The following SUPT3H variants were observed in gnomAD, a reference collection of about 807,000 sequenced individuals.
SUPT3H encodes the protein transcription initiation protein SPT3 homolog.
In SUPT3H, 44 loss-of-function variants were observed where a neutral mutation model predicts 44.3. That is an observed-to-expected ratio of 0.99 (90% CI 0.78 to 1.28). The LOEUF (loss-of-function observed/expected upper bound fraction) is 1.28. SUPT3H is among the 50% of genes most tolerant of loss of function. The pLI is 0.00. For synonymous variants in SUPT3H, 124 were observed against 125.6 expected (o/e 0.99, Z 0.09); for missense variants, 380 against 387.1 (o/e 0.98, Z 0.15).
intron 2 of SUPT3H, among the ~76,000 whole-genome samples, chr6:45,207,867 A>G (rs1763437504): frequency 6.6e-6 from 1 of 152,172 alleles, no homozygotes; most frequent in Non-Finnish European, 1.5e-5. Context: ...AGATGCAACA[A>G]AATTGGAATT....
intron 10 of SUPT3H, among the ~76,000 whole-genome samples, chr6:44,856,400 A>G (rs1001076394): frequency 6.6e-6 from 1 of 152,216 alleles, no homozygotes; most frequent in African/African-American, 2.4e-5. Context: ...TTCTTTAGGA[A>G]TACTCAAGAT....
intron 3 of SUPT3H, among the ~76,000 whole-genome samples, chr6:45,034,886 A>G (rs566803707): frequency 6.6e-6 from 1 of 152,276 alleles, no homozygotes; most frequent in South Asian, 2.1e-4. Flanking sequence ...CTATCAGACA[A>G]TAACTCCTGT....
chr6:44,909,192 A>AT lies in SUPT3H; in HGVS notation c.912+23460dup, dbSNP rs543527029. 9.2e-3 allele frequency among the ~76,000 whole-genome samples: 1,359 copies of AT among 147,760 alleles called. 13 individuals are homozygous for AT. The highest frequency in any genetic ancestry group is 0.026 in the South Asian group (119 of 4,654). ...GTGTGGTTACTAACATATTTTGGGA[A>AT]TTTTTTCTATATCATATGCTAAACT... On this transcript the variant is annotated intron_variant, in intron 10 of 10. Transcript: ENST00000371459.
chr6:45,061,582 G>A (rs187160867), intron 3 of SUPT3H, among the ~76,000 whole-genome samples: 4 of 152,192 alleles, frequency 2.6e-5, no homozygotes, highest in Admixed American at 2.6e-4. Flanking sequence ...TCCTGCACAT[G>A]TACACCGGAA....
chr6:45,306,086 A>G (rs770525032), intron 2 of SUPT3H, among the ~76,000 whole-genome samples: 1 of 152,206 alleles, frequency 6.6e-6, no homozygotes, highest in Admixed American at 6.5e-5. Flanking sequence ...TACATGATAC[A>G]TATCAGTGCC....
chr6:44,845,817 T>A (rs1166942669), intron 10 of SUPT3H, among the ~76,000 whole-genome samples: 2 of 152,200 alleles, frequency 1.3e-5, no homozygotes, highest in African/African-American at 2.4e-5. Flanking sequence ...TGCTGAGAGC[T>A]ACTTCCACTC....
At chr6:44,893,287 T>C (rs1261323190) in intron 10 of SUPT3H, among the ~76,000 whole-genome samples, 2 of 152,202 alleles carry the variant, frequency 1.3e-5, no homozygotes, top group Non-Finnish European at 2.9e-5. Context: ...GCAGGTTAGT[T>C]ACATATGTAT....
intron 3 of SUPT3H, among the ~76,000 whole-genome samples, chr6:45,021,833 A>AT (rs1785177961): frequency 6.6e-6 from 1 of 152,006 alleles, no homozygotes; most frequent in Non-Finnish European, 1.5e-5. Context: ...TGTCAGCTTT[A>AT]CCACTGAATT....
Position 45,270,901 on chromosome 6 carries a change from T to C in SUPT3H, c.101+94300A>G, listed in dbSNP as rs547044618. Among the ~76,000 whole-genome samples the C allele has an allele frequency of 1.6e-4, 24 of 152,286 alleles. No homozygotes were observed. In the South Asian group the frequency reaches 4.1e-3, roughly 26 times the overall value. On this transcript the variant is annotated intron_variant, in intron 2 of 10. Coordinates refer to ENST00000371459, the MANE Select transcript of SUPT3H (RefSeq NM_003599.4). Reference sequence around the variant, plus strand: ...AACTCCAGGCTGAAGTGGTCTCAGATGGAGATGGGGAACTTTATGGGAACT... The same window carrying C: ...AACTCCAGGCTGAAGTGGTCTCAGACGGAGATGGGGAACTTTATGGGAACT...
At chr6:45,130,711 ACTTTTTTTTTT>A (rs1562519483) in intron 2 of SUPT3H, among the ~76,000 whole-genome samples, 1 of 56,212 alleles carries the variant, frequency 1.8e-5, no homozygotes, top group South Asian at 5.5e-4. Context: ...AAAAAAAACC[ACTTTTTTTTTT>A]TTTTTTTTTT....
At position 45,327,393 on chromosome 6, in the gene SUPT3H, C is replaced by G. The variant is rs1235924282; in HGVS notation, c.101+37808G>C. On this transcript the variant is annotated intron_variant, in intron 2 of 10. Transcript: ENST00000371459. Reference sequence around the variant, plus strand: ...TATAGAAGATCTGCTATCAGAAACTCTATTAATGTCTAAACTACTTAAAGA... The same window carrying G: ...TATAGAAGATCTGCTATCAGAAACTGTATTAATGTCTAAACTACTTAAAGA... Among the ~76,000 whole-genome samples, 3 of 151,948 alleles carry G rather than the reference C, an allele frequency of 2.0e-5. No homozygotes were observed. The East Asian group carries it at 5.8e-4, about 29-fold the overall frequency.
intron 2 of SUPT3H, among the ~76,000 whole-genome samples, chr6:45,256,862 AC>A (rs1773499435): frequency 6.6e-6 from 1 of 152,130 alleles, no homozygotes; most frequent in African/African-American, 2.4e-5. Flanking sequence ...GGATGTTTCA[AC>A]CTTTTGGCTA....
At chr6:45,079,002 T>C (rs1226760369) in intron 3 of SUPT3H, among the ~76,000 whole-genome samples, 1 of 152,172 alleles carries the variant, frequency 6.6e-6, no homozygotes, top group Non-Finnish European at 1.5e-5. Flanking sequence ...CTTGGGAAGT[T>C]TTCAGCTATT....
At chr6:44,890,173 G>A (rs13204671) in intron 10 of SUPT3H, among the ~76,000 whole-genome samples, 137,955 of 148,500 alleles carry the variant, frequency 0.93, 64,972 homozygotes, top group East Asian at 1. Flanking sequence ...ACTGTAAACT[G>A]GTTCAACCAT....
chr6:45,336,323 C>T (rs191185632), intron 2 of SUPT3H, among the ~76,000 whole-genome samples: 252 of 151,492 alleles, frequency 1.7e-3, no homozygotes, highest in African/African-American at 5.8e-3. Flanking sequence ...CCTTATAACA[C>T]GCATAAGCAT....
At chr6:45,234,348 T>C (rs1768660396) in intron 2 of SUPT3H, among the ~76,000 whole-genome samples, 1 of 151,958 alleles carries the variant, frequency 6.6e-6, no homozygotes, top group East Asian at 1.9e-4. Flanking sequence ...CTGGCCAACA[T>C]GGTGAAACCC....
chr6:44,921,233 G>A (rs1353320153), intron 10 of SUPT3H, among the ~76,000 whole-genome samples: 2 of 152,220 alleles, frequency 1.3e-5, no homozygotes, highest in East Asian at 3.8e-4. Flanking sequence ...GTCACATGTA[G>A]TTCAGTTGTA....
intron 2 of SUPT3H, among the ~76,000 whole-genome samples, chr6:45,136,057 GGAAAATAA>G (rs928858251): frequency 6.6e-6 from 1 of 152,046 alleles, no homozygotes; most frequent in Non-Finnish European, 1.5e-5. Context: ...TGAATCCAAT[GGAAAATAA>G]GAGCCATGAA....
intron 11 of SUPT3H, among the ~76,000 whole-genome samples, chr6:44,814,020 T>G (rs967017163): frequency 1.3e-5 from 2 of 151,994 alleles, no homozygotes; most frequent in African/African-American, 2.4e-5. Flanking sequence ...CAAAGAAAAC[T>G]ACATGTAGGC....
Sources: gnomAD v4.1 joint callset for allele counts (sites outside exome capture counted in the v4.1 genomes callset) on GRCh38, gnomAD v4.1.1 for gene constraint, MANE v1.5 for transcripts, NCBI Gene and HGNC (gene_info 2026-07-23, HGNC 2026-07-21) for gene names.